ATP10B: variants seen among roughly 807,000 people sequenced by gnomAD.
The protein encoded by ATP10B is phospholipid-transporting ATPase VB.
ATP10B carries 122 observed loss-of-function variants against 141.2 expected under a neutral mutation model. The ratio of observed to expected loss-of-function variants is 0.86; its 90% CI spans 0.75 to 1.00. ATP10B has a LOEUF of 1.00. ATP10B is among the 50% of genes least tolerant of loss of function. ATP10B has a pLI of 0.00. For missense variants in ATP10B, 1,876 were observed against 1,825.3 expected (o/e 1.03, Z -0.51); for synonymous variants, 685 against 692.0 (o/e 0.99, Z 0.16).
intron 24 of ATP10B, among the ~76,000 whole-genome samples, chr5:160,573,607 C>T (rs571418906): frequency 7.2e-5 from 11 of 152,172 alleles, no homozygotes; most frequent in African/African-American, 2.2e-4. Context: ...CATAGGAGCA[C>T]GAGAACTCTA....
intron 3 of ATP10B, among the ~76,000 whole-genome samples, chr5:160,714,806 T>C (rs1015531218): frequency 1.4e-5 from 2 of 144,652 alleles, no homozygotes; most frequent in Non-Finnish European, 3.0e-5. Context: ...GTAGATGTCC[T>C]TTCCGGTTGT....
chr5:160,646,924 G>C (rs1317538478), intron 8 of ATP10B, among the ~76,000 whole-genome samples: 2 of 152,142 alleles, frequency 1.3e-5, no homozygotes, highest in South Asian at 2.1e-4. Context: ...CTGCTGGGGT[G>C]GGGGGCTGTC....
rs144977282 is a variant in ATP10B at position 160,793,188 on chromosome 5, T to C, written c.-575-7385A>G. ...TAAGTATTTTTGCCATTTGAAACTT[T>C]CTCTTCAAAGTTCCATTTTTTTTTT... On this transcript the variant is annotated intron_variant, in intron 1 of 25. Coordinates refer to ENST00000327245, the MANE Select transcript of ATP10B (RefSeq NM_025153.3). Among the ~76,000 whole-genome samples the C allele has an allele frequency of 2.2e-4, 32 of 143,160 alleles. No individual in the cohort carries two copies. The East Asian group carries it at 6.8e-3, about 30-fold the overall frequency. The allele number at this position is 143,160 out of a possible 152,430, so 93.9% of individuals were successfully genotyped here.
At chr5:160,868,462 A>G in the ATP10B span, among the ~76,000 whole-genome samples, 1 of 151,534 alleles carries the variant, frequency 6.6e-6, no homozygotes, top group Non-Finnish European at 1.5e-5. Flanking sequence ...TTTTCTTTAA[A>G]AGAGAAAAAC....
At chr5:160,704,110 G>T (rs1764837507) in intron 3 of ATP10B, among the ~76,000 whole-genome samples, 1 of 152,042 alleles carries the variant, frequency 6.6e-6, no homozygotes, top group South Asian at 2.1e-4. Flanking sequence ...TTTAGTAACT[G>T]GGAGTGCCAT....
intron 2 of ATP10B, among the ~76,000 whole-genome samples, chr5:160,733,223 G>T (rs1766862027): frequency 6.6e-6 from 1 of 152,136 alleles, no homozygotes; most frequent in Non-Finnish European, 1.5e-5. Context: ...TATTGCAAAT[G>T]AGATTGCTTT....
the ATP10B span, among the ~76,000 whole-genome samples, chr5:160,873,280 T>A: frequency 2.1e-3 from 316 of 152,308 alleles, 5 homozygotes; most frequent in Non-Finnish European, 4.9e-4. Context: ...CAAAAACCTA[T>A]GGTTAACATC....
intron 1 of ATP10B, among the ~76,000 whole-genome samples, chr5:160,790,995 A>T (rs1330359352): frequency 6.6e-6 from 1 of 152,094 alleles, no homozygotes; most frequent in Non-Finnish European, 1.5e-5. Context: ...TGGTTTGAAG[A>T]TGGAGGAAGG....
intron 13 of ATP10B, among the ~76,000 whole-genome samples, chr5:160,624,098 G>A (rs557080993): frequency 6.6e-6 from 1 of 152,318 alleles, no homozygotes; most frequent in South Asian, 2.1e-4. Flanking sequence ...TCACGGTTTA[G>A]AAGACAGTCA....
chr5:160,905,372 G>A, the ATP10B span, among the ~76,000 whole-genome samples: 1 of 152,212 alleles, frequency 6.6e-6, no homozygotes, highest in Non-Finnish European at 1.5e-5. Context: ...CCATTTAATA[G>A]TTCTGCTTTT....
At chr5:160,792,987 G>A (rs577299624) in intron 1 of ATP10B, among the ~76,000 whole-genome samples, 1 of 152,312 alleles carries the variant, frequency 6.6e-6, no homozygotes, top group South Asian at 2.1e-4. Flanking sequence ...GCTTAGCCAG[G>A]AGGGCTAAGG....
intron 1 of ATP10B, among the ~76,000 whole-genome samples, chr5:160,805,979 T>C (rs1245740274): frequency 6.6e-6 from 1 of 152,046 alleles, no homozygotes; most frequent in Non-Finnish European, 1.5e-5. Context: ...GAACCAATAA[T>C]GTACATCCTA....
At chr5:160,718,578 A>C (rs1013467221) in intron 2 of ATP10B, among the ~76,000 whole-genome samples, 1 of 152,236 alleles carries the variant, frequency 6.6e-6, no homozygotes, top group South Asian at 2.1e-4. Context: ...TTTGTGCTGC[A>C]TGCTAACATG....
chr5:160,881,889 G>A, the ATP10B span, among the ~76,000 whole-genome samples: 1 of 152,066 alleles, frequency 6.6e-6, no homozygotes, highest in African/African-American at 2.4e-5. Flanking sequence ...ATAAGTGAAT[G>A]GATAAATAAA....
intron 1 of ATP10B, among the ~76,000 whole-genome samples, chr5:160,805,573 GCCA>G (rs1374023728): frequency 2.6e-5 from 4 of 152,110 alleles, no homozygotes; most frequent in African/African-American, 7.2e-5. Context: ...ACCTGGAAGG[GCCA>G]CCAAGACTAA....
At chr5:160,679,900 T>C (rs948137185) in intron 6 of ATP10B, among the ~76,000 whole-genome samples, 2 of 152,110 alleles carry the variant, frequency 1.3e-5, no homozygotes, top group Non-Finnish European at 2.9e-5. Context: ...CTGTGGCTGG[T>C]ATGGTTTCTA....
At chr5:160,877,593 T>C in the ATP10B span, among the ~76,000 whole-genome samples, 3 of 150,756 alleles carry the variant, frequency 2.0e-5, 1 homozygote, top group African/African-American at 7.3e-5. Context: ...GGAAATCAAA[T>C]TGTCCCTGTT....
At chr5:160,754,253 T>A (rs992988814) in intron 2 of ATP10B, among the ~76,000 whole-genome samples, 1 of 152,220 alleles carries the variant, frequency 6.6e-6, no homozygotes, top group Non-Finnish European at 1.5e-5. Flanking sequence ...TCCCAAACAC[T>A]GTCCATATAA....
chr5:160,866,375 A>G, the ATP10B span, among the ~76,000 whole-genome samples: 4 of 152,118 alleles, frequency 2.6e-5, no homozygotes, highest in Non-Finnish European at 5.9e-5. Context: ...ATGCAAAGCC[A>G]TAAGAATGAT....
Sources: gnomAD v4.1 joint callset for allele counts (sites outside exome capture counted in the v4.1 genomes callset) on GRCh38, gnomAD v4.1.1 for gene constraint, MANE v1.5 for transcripts, NCBI Gene and HGNC (gene_info 2026-07-23, HGNC 2026-07-21) for gene names.